The following ACER3 variants were observed in gnomAD, a reference collection of about 807,000 sequenced individuals.
ACER3 encodes the protein alkaline ceramidase 3.
In ACER3, 16 loss-of-function variants were observed where a neutral mutation model predicts 48.9. The observed-to-expected ratio is 0.33, with a 90% CI of 0.22 to 0.50. The LOEUF (loss-of-function observed/expected upper bound fraction) is 0.50. Ranked by LOEUF, ACER3 falls within the 20% of genes least tolerant of loss-of-function variation. ACER3 has a pLI of 0.98. For missense variants in ACER3, 227 were observed against 326.0 expected, an observed-to-expected ratio of 0.70 and a Z score of 2.34; for synonymous variants, 109 against 107.8, an observed-to-expected ratio of 1.01 and a Z score of -0.07.
At chr11:76,878,181 A>G (rs1320846319) in intron 1 of ACER3, among the ~76,000 whole-genome samples, 1 of 152,176 alleles carries the variant, frequency 6.6e-6, no homozygotes, top group East Asian at 1.9e-4. Flanking sequence ...GTTTCTGTGT[A>G]TACTTAGGAG....
At chr11:76,958,267 A>C (rs1230821021) in intron 2 of ACER3, among the ~76,000 whole-genome samples, 1 of 149,384 alleles carries the variant, frequency 6.7e-6, no homozygotes. Context: ...GCTCACTGCA[A>C]CCTCCTTCTT....
chr11:76,994,094 T>A, intron 6 of ACER3: 1 of 441,834 alleles, frequency 2.3e-6, no homozygotes, highest in South Asian at 1.6e-5. Flanking sequence ...TATTTTCCTA[T>A]AACATTTATT....
chr11:76,964,756 A>C (rs1948094102), intron 3 of ACER3, among the ~76,000 whole-genome samples: 1 of 151,392 alleles, frequency 6.6e-6, no homozygotes, highest in Non-Finnish European at 1.5e-5. Context: ...GAGGGTCCTG[A>C]CTGTTAGAAG....
At chr11:76,996,553 G>A (rs1220360938) in intron 6 of ACER3, among the ~76,000 whole-genome samples, 2 of 151,710 alleles carry the variant, frequency 1.3e-5, no homozygotes, top group Non-Finnish European at 2.9e-5. Flanking sequence ...AAGTAGCTGG[G>A]ATTACTGGCA....
intron 1 of ACER3, among the ~76,000 whole-genome samples, chr11:76,893,223 A>G (rs1264618827): frequency 6.6e-6 from 1 of 152,146 alleles, no homozygotes; most frequent in Non-Finnish European, 1.5e-5. Flanking sequence ...TGACAGTACT[A>G]GCTGGGCATA....
chr11:77,006,458 C>A (rs1949152403), intron 7 of ACER3, among the ~76,000 whole-genome samples: 1 of 152,036 alleles, frequency 6.6e-6, no homozygotes, highest in Admixed American at 6.6e-5. Context: ...TTCCATGATC[C>A]CTTTTTTCAT....
chr11:76,864,596 A>ATTTTTTTT (rs772026324), intron 1 of ACER3, among the ~76,000 whole-genome samples: 12,576 of 99,532 alleles, frequency 0.13, 2,598 homozygotes, highest in Non-Finnish European at 0.2. Context: ...TGGAATGGGT[A>ATTTTTTTT]TTTTTTTTTT....
rs1401857831 is a variant in ACER3, at chr11:77,018,341, T to C, written c.705-1390T>C. ...CTTAATAAATGTATGTTTTGACTGC[T>C]CCACCAATTGGCCATTCCCCAGTCT... On this transcript the variant is annotated intron_variant, in intron 9 of 10. Transcript: ENST00000532485. Among the ~76,000 whole-genome samples the C allele has an allele frequency of 2.6e-5, 4 of 152,186 alleles. No homozygotes were observed. In the South Asian group the frequency reaches 8.3e-4, roughly 32 times the overall value.
chr11:76,901,270 T>TA (rs35531620), intron 1 of ACER3, among the ~76,000 whole-genome samples: 85,511 of 146,002 alleles, frequency 0.59, 26,691 homozygotes, highest in Non-Finnish European at 0.73. Flanking sequence ...GTCCAACATT[T>TA]AAAAAAAAAA....
chr11:76,940,135 T>C (rs1565189591), intron 2 of ACER3, among the ~76,000 whole-genome samples: 1 of 152,156 alleles, frequency 6.6e-6, no homozygotes, highest in Non-Finnish European at 1.5e-5. Context: ...TATTGCTTTA[T>C]TTTAGATACT....
chr11:76,977,251 A>G (rs995042051), intron 4 of ACER3, among the ~76,000 whole-genome samples: 2 of 152,250 alleles, frequency 1.3e-5, no homozygotes, highest in Non-Finnish European at 2.9e-5. Context: ...GAAATATATC[A>G]TGATGGAGAA....
chr11:76,962,785 T>C (rs1280165215), intron 3 of ACER3, among the ~76,000 whole-genome samples: 1 of 151,526 alleles, frequency 6.6e-6, no homozygotes, highest in Non-Finnish European at 1.5e-5. Flanking sequence ...TTGGGGCTGC[T>C]ACCTTTATGT....
Position 77,025,895 on chromosome 11 carries a change from G to C in ACER3, c.*5568G>C, listed in dbSNP as rs1555025683. ...TGCACTTCTCTGCAAGGTGATTCTA[G>C]TGTGCACTTGTCAGAATGAAAATAT... On this transcript the variant is annotated 3_prime_UTR_variant, in exon 11 of 11. Transcript: ENST00000532485. 1 of 152,182 alleles carries C rather than the reference G, an allele frequency of 6.6e-6. No individual in the cohort carries two copies. Among genetic ancestry groups the C allele is most frequent in the Non-Finnish European group, 1.5e-5 (1 of 68,044 alleles). The allele number at this position is 152,182 out of a possible 1,614,324, so 9.4% of individuals were successfully genotyped here.
chr11:76,990,657 C>A, intron 6 of ACER3, 83 bp downstream of exon 6: 1 of 956,856 alleles, frequency 1.0e-6, no homozygotes, highest in South Asian at 1.4e-5. Context: ...AAATGATATG[C>A]AGATAAAAAT....
intron 2 of ACER3, among the ~76,000 whole-genome samples, chr11:76,939,724 C>T (rs1355600432): frequency 6.6e-6 from 1 of 152,070 alleles, no homozygotes; most frequent in Non-Finnish European, 1.5e-5. Flanking sequence ...GAGAATATAA[C>T]CAGAAAAAAA....
chr11:76,891,035 C>T (rs888221699), intron 1 of ACER3, among the ~76,000 whole-genome samples: 2 of 151,818 alleles, frequency 1.3e-5, no homozygotes, highest in Non-Finnish European at 2.9e-5. Context: ...ACGAGAATCG[C>T]TTGAACCCAG....
intron 7 of ACER3, among the ~76,000 whole-genome samples, chr11:77,003,330 A>G (rs1949071492): frequency 6.6e-6 from 1 of 152,172 alleles, no homozygotes; most frequent in Admixed American, 6.5e-5. Context: ...CATCTAAGTC[A>G]TCAAAATTTA....
intron 2 of ACER3, among the ~76,000 whole-genome samples, chr11:76,932,844 A>G (rs1947046222): frequency 6.6e-6 from 1 of 152,036 alleles, no homozygotes; most frequent in Non-Finnish European, 1.5e-5. Context: ...AGAAGAGAGG[A>G]CTCAAGGGCC....
intron 1 of ACER3, among the ~76,000 whole-genome samples, chr11:76,921,993 A>G (rs916920570): frequency 6.6e-6 from 1 of 152,138 alleles, no homozygotes; most frequent in Admixed American, 6.5e-5. Context: ...AAATAGATAA[A>G]CATCCCAATG....
Sources: gnomAD v4.1 joint callset for allele counts (sites outside exome capture counted in the v4.1 genomes callset) on GRCh38, gnomAD v4.1.1 for gene constraint, MANE v1.5 for transcripts, NCBI Gene and HGNC (gene_info 2026-07-23, HGNC 2026-07-21) for gene names.